Variants in KANK1 observed in about 807,000 individuals in gnomAD.
The protein encoded by KANK1 is KN motif and ankyrin repeat domains 1, also known as KN motif and ankyrin repeat domain-containing protein 1.
KANK1 carries 109 observed loss-of-function variants against 106.2 expected under a neutral mutation model. The ratio of observed to expected loss-of-function variants is 1.03; its 90% CI spans 0.88 to 1.20. The LOEUF (loss-of-function observed/expected upper bound fraction) is 1.20. KANK1 is among the 50% of genes most tolerant of loss of function. The pLI, the probability that KANK1 is intolerant of heterozygous loss-of-function variation, is 0.00. For synonymous variants in KANK1, 873 were observed against 652.2 expected (o/e 1.34, Z -5.16); for missense variants, 2,399 against 1,710.7 (o/e 1.40, Z -7.10).
intron 8 of KANK1, among the ~76,000 whole-genome samples, chr9:739,584 G>T (rs1298380637): frequency 6.6e-6 from 1 of 152,188 alleles, no homozygotes; most frequent in African/African-American, 2.4e-5. Flanking sequence ...CAGAGCTGGT[G>T]ATACAGTCAG....
chr9:505,881 C>G lies in KANK1; in HGVS notation c.-84+1127C>G, dbSNP rs185912379. ...CTGAATGGAAATGAGGGTCTGTTTGCTTATATTGAATTCCTGAGTTTATTC... is the reference window on the plus strand; with the variant it reads ...CTGAATGGAAATGAGGGTCTGTTTGGTTATATTGAATTCCTGAGTTTATTC... On this transcript the variant is annotated intron_variant, in intron 1 of 11. Transcript: ENST00000382297. 1.4e-3 allele frequency among the ~76,000 whole-genome samples: 220 copies of G among 152,306 alleles called. 1 individual carries two copies. The highest frequency in any genetic ancestry group is 5.0e-3 in the African/African-American group (208 of 41,570).
At chr9:678,982 C>A (rs751381355) in intron 2 of KANK1, among the ~76,000 whole-genome samples, 8 of 152,078 alleles carry the variant, frequency 5.3e-5, no homozygotes, top group Non-Finnish European at 1.0e-4. Context: ...GTTTAGATAC[C>A]TACCCCACTA....
At chr9:595,124 G>A (rs776611933) in intron 1 of KANK1, among the ~76,000 whole-genome samples, 2 of 151,958 alleles carry the variant, frequency 1.3e-5, no homozygotes, top group Non-Finnish European at 2.9e-5. Context: ...AAATTAAAAT[G>A]CAACGATGGC....
intron 1 of KANK1, among the ~76,000 whole-genome samples, chr9:528,767 C>T (rs1437269708): frequency 6.6e-6 from 1 of 151,884 alleles, no homozygotes; most frequent in Non-Finnish European, 1.5e-5. Context: ...GGATTACAGG[C>T]ATGAGCCACC....
intron 3 of KANK1, among the ~76,000 whole-genome samples, chr9:717,638 AAAGTT>A (rs1398047979): frequency 6.6e-6 from 1 of 150,904 alleles, no homozygotes; most frequent in Non-Finnish European, 1.5e-5. Context: ...ATAAAATAAA[AAAGTT>A]AAGAGGAAAT....
At chr9:563,022 C>G (rs1443212236) in intron 1 of KANK1, among the ~76,000 whole-genome samples, 9 of 152,162 alleles carry the variant, frequency 5.9e-5, no homozygotes, top group Non-Finnish European at 1.2e-4. Context: ...TCTCAAATCA[C>G]TCTCACAGCC....
At chr9:547,329 C>T (rs1408034906) in intron 1 of KANK1, 4 of 152,134 alleles carry the variant, frequency 2.6e-5, no homozygotes, top group Admixed American at 6.5e-5. Flanking sequence ...AGAACTGTCT[C>T]GGAAAGCCCT....
chr9:480,264 A>T (rs554781834), intron 3 of KANK1, among the ~76,000 whole-genome samples: 4 of 152,316 alleles, frequency 2.6e-5, no homozygotes, highest in Non-Finnish European at 5.9e-5. Flanking sequence ...TTCATGCCAG[A>T]CTCAAATCAC....
chr9:696,331 G>C (rs767620396), intron 2 of KANK1, among the ~76,000 whole-genome samples: 18 of 151,680 alleles, frequency 1.2e-4, no homozygotes, highest in Non-Finnish European at 2.2e-4. Flanking sequence ...TAGACACTTA[G>C]AGTCTGGTAG....
intron 1 of KANK1, among the ~76,000 whole-genome samples, chr9:505,438 T>G (rs574743764): frequency 2.6e-5 from 4 of 152,218 alleles, no homozygotes; most frequent in Non-Finnish European, 4.4e-5. Flanking sequence ...CGGTTCCAGG[T>G]CGAGGGAAGG....
chr9:720,391 C>G (rs140266541), intron 3 of KANK1, among the ~76,000 whole-genome samples: 22 of 152,362 alleles, frequency 1.4e-4, no homozygotes, highest in African/African-American at 4.3e-4. Context: ...GTCTTCCAGG[C>G]TGGAGTGCAG....
At chr9:568,145 A>T (rs893883873) in intron 1 of KANK1, among the ~76,000 whole-genome samples, 17 of 152,224 alleles carry the variant, frequency 1.1e-4, no homozygotes, top group African/African-American at 3.6e-4. Context: ...GTTTACATTT[A>T]TCTTGATGTG....
chr9:595,215 A>T (rs1400703771), intron 1 of KANK1, among the ~76,000 whole-genome samples: 1 of 151,574 alleles, frequency 6.6e-6, no homozygotes, highest in East Asian at 1.9e-4. Context: ...GGAGTTCAAG[A>T]CCAGTTGGGG....
chr9:704,783 C>A (rs1434773053), intron 2 of KANK1, among the ~76,000 whole-genome samples: 5 of 151,884 alleles, frequency 3.3e-5, no homozygotes, highest in Non-Finnish European at 7.4e-5. Context: ...GAGTTCAAGA[C>A]CAGCCTGAGC....
chr9:537,417 A>G (rs1382774953), intron 1 of KANK1, among the ~76,000 whole-genome samples: 1 of 152,192 alleles, frequency 6.6e-6, no homozygotes, highest in African/African-American at 2.4e-5. Flanking sequence ...AGATCAAAGC[A>G]TGGATGGGAT....
intron 1 of KANK1, among the ~76,000 whole-genome samples, chr9:540,933 A>G (rs1414810062): frequency 1.3e-5 from 2 of 152,136 alleles, no homozygotes; most frequent in Non-Finnish European, 2.9e-5. Flanking sequence ...TATCTTTTCA[A>G]AAACTCCTGG....
intron 1 of KANK1, among the ~76,000 whole-genome samples, chr9:628,252 A>ACTC (rs1252394858): frequency 6.6e-6 from 1 of 151,874 alleles, no homozygotes; most frequent in Non-Finnish European, 1.5e-5. Context: ...GTCTTGATTG[A>ACTC]CTCTGCCTGT....
chr9:742,726 A>T (rs1482857854), intron 10 of KANK1, among the ~76,000 whole-genome samples: 2 of 152,222 alleles, frequency 1.3e-5, no homozygotes, highest in African/African-American at 4.8e-5. Flanking sequence ...CTGCAGAATC[A>T]AATTCAGTGT....
intron 3 of KANK1, among the ~76,000 whole-genome samples, chr9:497,959 G>A (rs1197765587): frequency 6.6e-6 from 1 of 152,098 alleles, no homozygotes; most frequent in Non-Finnish European, 1.5e-5. Flanking sequence ...TGACTTCGGG[G>A]ATCTCTCGCT....
Sources: allele counts gnomAD v4.1 joint callset (sites outside exome capture counted in the v4.1 genomes callset), GRCh38; gene constraint gnomAD v4.1.1; transcripts MANE v1.5; gene names NCBI Gene and HGNC (gene_info 2026-07-23, HGNC 2026-07-21).